PCSK5: variants seen among roughly 807,000 people sequenced by gnomAD.
PCSK5 encodes prohormone convertase 5.
In PCSK5, 129 loss-of-function variants were observed where a neutral mutation model predicts 233.2. That is an observed-to-expected ratio of 0.55 (90% CI 0.48 to 0.64). PCSK5 has a LOEUF of 0.64. Ranked by LOEUF, PCSK5 falls within the 30% of genes least tolerant of loss-of-function variation. The probability of loss-of-function intolerance (pLI) is 0.00; values close to 1 mark genes in which losing one functional copy is unlikely to be tolerated. For synonymous variants in PCSK5, 825 were observed against 879.2 expected (o/e 0.94, Z 1.09); for missense variants, 2,076 against 2,430.1 (o/e 0.85, Z 3.06).
At chr9:76,123,123 C>G (rs916177638) in intron 9 of PCSK5, among the ~76,000 whole-genome samples, 1 of 152,050 alleles carries the variant, frequency 6.6e-6, no homozygotes, top group Non-Finnish European at 1.5e-5. Flanking sequence ...GGATTACAGA[C>G]GTGAGCCACT....
chr9:76,006,926 T>G (rs1827503274), intron 3 of PCSK5, among the ~76,000 whole-genome samples: 1 of 152,192 alleles, frequency 6.6e-6, no homozygotes, highest in South Asian at 2.1e-4. Flanking sequence ...TGAAGTGTAA[T>G]GTTAAAGATT....
chr9:76,159,175 CA>C lies in PCSK5; in HGVS notation c.1619+5del, dbSNP rs1203801716. The C allele has an allele frequency of 6.2e-7, 1 of 1,613,596 alleles. No homozygotes were observed. Among genetic ancestry groups the C allele is most frequent in the South Asian group, 1.1e-5 (1 of 91,034 alleles). On this transcript the variant is annotated splice_donor_5th_base_variant and intron_variant, in intron 12 of 37. Coordinates refer to ENST00000674117, the MANE Select transcript of PCSK5 (RefSeq NM_001372043.1). ...GGTCTCAGCTTTTGGCCAACAGGTA[CA>C]GCAGTGGTCTCTGCCCACCAGTGTA...
chr9:76,121,819 T>TATGACTGCC (rs1564040999), intron 9 of PCSK5, among the ~76,000 whole-genome samples: 381 of 36,790 alleles, frequency 0.01, 13 homozygotes, highest in African/African-American at 0.027. Flanking sequence ...TATTGGTTTT[T>TATGACTGCC]TTTTTTTTTT....
chr9:75,935,021 C>G (rs1034820742), intron 2 of PCSK5, among the ~76,000 whole-genome samples: 1 of 152,146 alleles, frequency 6.6e-6, no homozygotes, highest in Non-Finnish European at 1.5e-5. Context: ...TTTTACCACA[C>G]TTAGTTGATC....
At chr9:76,063,916 G>A (rs1209459920) in intron 5 of PCSK5, among the ~76,000 whole-genome samples, 1 of 66,644 alleles carries the variant, frequency 1.5e-5, no homozygotes, top group African/African-American at 1.2e-4. Context: ...CTGGGCAGAG[G>A]CGCCCCTCAC....
intron 35 of PCSK5, among the ~76,000 whole-genome samples, chr9:76,344,706 C>A (rs1829928796): frequency 6.6e-6 from 1 of 152,070 alleles, no homozygotes; most frequent in Admixed American, 6.6e-5. Flanking sequence ...TGTGTGGGAC[C>A]TTTATTCCAA....
At position 75,935,234 on chromosome 9, in the gene PCSK5, A is replaced by T. The variant is rs551616392; in HGVS notation, c.297+2751A>T. Reference sequence around the variant, plus strand: ...AGGTGCATGCCACCACGCCCAGCTAATTTTTTGTATTTTTAGTAGAGACAA... The same window carrying T: ...AGGTGCATGCCACCACGCCCAGCTATTTTTTTGTATTTTTAGTAGAGACAA... On this transcript the variant is annotated intron_variant, in intron 2 of 37. Transcript: ENST00000674117. Among the ~76,000 whole-genome samples, 18 of 151,956 alleles carry T rather than the reference A, an allele frequency of 1.2e-4. No homozygotes were observed. The South Asian group carries it at 3.8e-3, about 32-fold the overall frequency.
At chr9:76,187,885 T>C (rs1211128264) in intron 17 of PCSK5, among the ~76,000 whole-genome samples, 1 of 152,150 alleles carries the variant, frequency 6.6e-6, no homozygotes, top group African/African-American at 2.4e-5. Context: ...TAAATAATAA[T>C]ATAACAACAA....
intron 24 of PCSK5, among the ~76,000 whole-genome samples, chr9:76,257,083 G>A (rs1827007619): frequency 6.6e-6 from 1 of 152,176 alleles, no homozygotes; most frequent in Non-Finnish European, 1.5e-5. Context: ...TGAGAAGCCT[G>A]TTGGTGTATC....
chr9:75,929,223 G>A (rs146807687), intron 1 of PCSK5, among the ~76,000 whole-genome samples: 17 of 152,230 alleles, frequency 1.1e-4, no homozygotes, highest in Admixed American at 4.6e-4. Context: ...GTGAGCCGCC[G>A]TGCACAGCTG....
At chr9:76,288,048 T>C (rs1587838093) in intron 24 of PCSK5, 2 of 152,244 alleles carry the variant, frequency 1.3e-5, no homozygotes, top group East Asian at 1.9e-4. Flanking sequence ...CAGTGTTTCC[T>C]GTTTAAGGTG....
At chr9:75,976,706 A>G (rs1274704016) in intron 2 of PCSK5, among the ~76,000 whole-genome samples, 1 of 151,818 alleles carries the variant, frequency 6.6e-6, no homozygotes, top group East Asian at 1.9e-4. Flanking sequence ...AAAATATTAA[A>G]TACTTTATTC....
chr9:76,154,555 C>G (rs753903837), intron 10 of PCSK5, among the ~76,000 whole-genome samples: 23 of 152,128 alleles, frequency 1.5e-4, no homozygotes, highest in Non-Finnish European at 2.9e-4. Flanking sequence ...CAAGTCCCCA[C>G]CTCCCTTCTC....
chr9:76,163,582 G>A (rs1822962058), intron 12 of PCSK5, among the ~76,000 whole-genome samples: 1 of 152,102 alleles, frequency 6.6e-6, no homozygotes, highest in Non-Finnish European at 1.5e-5. Flanking sequence ...CACCCTCTTG[G>A]TTCTCCCCTT....
chr9:75,899,862 A>G (rs1825950413), intron 1 of PCSK5, among the ~76,000 whole-genome samples: 1 of 152,182 alleles, frequency 6.6e-6, no homozygotes, highest in Admixed American at 6.5e-5. Context: ...ACGGGAGTAG[A>G]TGAAGGGGCC....
intron 2 of PCSK5, among the ~76,000 whole-genome samples, chr9:75,937,787 C>G (rs1824124492): frequency 6.6e-6 from 1 of 152,178 alleles, no homozygotes; most frequent in Non-Finnish European, 1.5e-5. Flanking sequence ...GCTGCTTCAC[C>G]TTGCACTTTT....
intron 20 of PCSK5, among the ~76,000 whole-genome samples, chr9:76,222,563 T>G (rs899775559): frequency 2.0e-5 from 3 of 152,186 alleles, no homozygotes; most frequent in Non-Finnish European, 4.4e-5. Context: ...CTTTTACTAC[T>G]CCAGTTACCT....
chr9:75,946,792 G>A (rs1011600687), intron 2 of PCSK5, among the ~76,000 whole-genome samples: 13 of 152,134 alleles, frequency 8.5e-5, no homozygotes, highest in African/African-American at 3.1e-4. Flanking sequence ...GTTTCACTAT[G>A]TTGGCCAGGC....
At chr9:76,315,942 T>TGG (rs1407543495) in intron 30 of PCSK5, among the ~76,000 whole-genome samples, 1 of 151,122 alleles carries the variant, frequency 6.6e-6, no homozygotes, top group Non-Finnish European at 1.5e-5. Context: ...TTTTTTTTTT[T>TGG]TTTTTTTTTG....
Sources: gnomAD v4.1 joint callset for allele counts (sites outside exome capture counted in the v4.1 genomes callset) on GRCh38, gnomAD v4.1.1 for gene constraint, MANE v1.5 for transcripts, NCBI Gene and HGNC (gene_info 2026-07-23, HGNC 2026-07-21) for gene names.